XDH: variants seen among roughly 807,000 people sequenced by gnomAD.
XDH encodes the protein xanthine dehydrogenase.
XDH carries 138 observed loss-of-function variants against 156.1 expected under a neutral mutation model. The ratio of observed to expected loss-of-function variants is 0.88; its 90% confidence interval spans 0.77 to 1.02. XDH has a LOEUF of 1.02. Ranked by LOEUF, XDH falls within the 50% of genes least tolerant of loss-of-function variation. XDH has a pLI of 0.00. For missense variants in XDH, 1,849 were observed against 1,684.9 expected (o/e 1.10, Z -1.71); for synonymous variants, 669 against 625.7 (o/e 1.07, Z -1.03).
intron 24 of XDH, among the ~76,000 whole-genome samples, chr2:31,352,002 T>C (rs1270152150): frequency 6.6e-6 from 1 of 152,234 alleles, no homozygotes; most frequent in Non-Finnish European, 1.5e-5. Context: ...TGCTGGTTAT[T>C]ATATGGGCTG....
At chr2:31,355,064 G>A (rs1043330840) in intron 24 of XDH, among the ~76,000 whole-genome samples, 11 of 152,114 alleles carry the variant, frequency 7.2e-5, no homozygotes, top group African/African-American at 2.7e-4. Context: ...ACCTATAGGG[G>A]GAGCCTAATT....
rs1250095681 is a variant in XDH, at chr2:31,372,411, G to T, written c.1687-14C>A. 6.2e-7 allele frequency: 1 copy of T among 1,613,784 alleles called. No individual in the cohort carries two copies. Among genetic ancestry groups the T allele is most frequent in the Non-Finnish European group, 8.5e-7 (1 of 1,180,026 alleles). On this transcript the variant is annotated splice_polypyrimidine_tract_variant and intron_variant, in intron 16 of 35. Transcript: ENST00000379416. ...CTTGGGCACCTCCTGGAATGACAGGGTCATCAATCAGGGTGAGCTGCCAAG... is the reference window on the plus strand; with the variant it reads ...CTTGGGCACCTCCTGGAATGACAGGTTCATCAATCAGGGTGAGCTGCCAAG...
Position 31,375,459 on chromosome 2 carries a change from C to T in XDH, c.1523G>A (p.Arg508Gln), listed in dbSNP as rs148603901. ...GAAGAAGCTGAGGGTGAGGGTGCAC[C>T]GGAAGTCCACCATGCCACCAGGGGC... Reference protein sequence around the residue: ...PDAPGGMVDFRCTLTLSFFFK... With the variant: ...PDAPGGMVDFQCTLTLSFFFK... Residue 508 changes from arginine to glutamine, a missense_variant, in exon 15 of 36, where the codon CGG becomes CAG. Physicochemically the swap from Arg to Gln is conservative, Grantham distance 43. Transcript: ENST00000379416. 6.9e-5 allele frequency: 112 copies of T among 1,614,162 alleles called. 1 individual carries two copies. Among genetic ancestry groups the T allele is most frequent in the African/African-American group, 6.0e-4 (45 of 75,044 alleles).
Position 31,386,453 on chromosome 2 carries a change from G to T in XDH, c.754C>A (p.His252Asn), listed in dbSNP as rs1357261010. The T allele has an allele frequency of 3.1e-6, 5 of 1,613,858 alleles. No homozygotes were observed. In the African/African-American group the frequency reaches 6.7e-5, roughly 22 times the overall value. Residue 252 changes from histidine to asparagine, a missense_variant, in exon 9 of 36, where the codon CAC becomes AAC. His to Asn is a moderately conservative substitution (Grantham distance 68). Transcript: ENST00000379416. ...LKELLDLKAQ[H>N]PDAKLVVGNT... is the part of the protein sequence containing the mutation. ...CCCACGACCAGCTTGGCGTCAGGGT[G>T]CTGAGCCTTGAGGTCCAGCAGCTCC...
chr2:31,370,949 G>T (rs547121471), intron 17 of XDH, among the ~76,000 whole-genome samples: 7 of 152,310 alleles, frequency 4.6e-5, no homozygotes, highest in African/African-American at 1.7e-4. Flanking sequence ...CACTTACTCT[G>T]GAGCGCTCTG....
intron 6 of XDH, among the ~76,000 whole-genome samples, chr2:31,395,409 A>T (rs912883933): frequency 6.6e-6 from 1 of 152,166 alleles, no homozygotes; most frequent in Non-Finnish European, 1.5e-5. Flanking sequence ...TAACCTCAGA[A>T]GTTTAGGCTG....
rs570678554 is a variant in XDH at position 31,360,216 on chromosome 2, G to A, written c.2631+3942C>T. On this transcript the variant is annotated intron_variant, in intron 24 of 35. Transcript: ENST00000379416. ...CAATTTATGTTTTAAATCACAAGTC[G>A]GCCGGGCAAGGTGGCTCATGCCTAT... Among the ~76,000 whole-genome samples the A allele has an allele frequency of 3.3e-5, 5 of 152,292 alleles. No individual in the cohort carries two copies. The East Asian group carries it at 7.7e-4, about 24-fold the overall frequency.
At chr2:31,374,575 T>G (rs1686174985) in intron 15 of XDH, among the ~76,000 whole-genome samples, 1 of 152,066 alleles carries the variant, frequency 6.6e-6, no homozygotes, top group African/African-American at 2.4e-5. Context: ...TACTTGGCAG[T>G]GGTTTTCTCT....
In XDH at chr2:31,386,536, C is replaced by T. The variant is rs112466737; in HGVS notation, c.671G>A (p.Arg224Gln). The change falls in exon 9 of 36, where the codon CGG becomes CAG. Residue 224 changes from arginine to glutamine, a missense_variant. Transcript: ENST00000379416. ...PELLRLKDTP[R>Q]KQLRFEGERV... ...CTCCCCTTCAAATCGCAGCTGCTTC[C>T]GAGGAGTGTCTTTCAGCCTCTGGGA... 1.5e-4 allele frequency: 246 copies of T among 1,614,114 alleles called. 1 individual carries two copies. In the African/African-American group the frequency reaches 1.7e-3, roughly 11 times the overall value.
chr2:31,365,344 C>T, intron 23 of XDH, 113 bp downstream of exon 23: 1 of 1,125,940 alleles, frequency 8.9e-7, no homozygotes, highest in Non-Finnish European at 1.4e-6. Flanking sequence ...CTTATTTGAA[C>T]TTCTACAGAT....
intron 34 of XDH, 122 bp from the exon 35 acceptor site, chr2:31,337,939 G>C (rs371164666): frequency 9.7e-7 from 1 of 1,030,000 alleles, no homozygotes; most frequent in African/African-American, 1.6e-5. Context: ...CACCAGGAAA[G>C]CACTGATGGG....
Position 31,350,049 on chromosome 2 carries a change from C to A in XDH, c.2806G>T (p.Gly936Trp). 5 of 1,614,168 alleles carry A rather than the reference C, an allele frequency of 3.1e-6. No homozygotes were observed. In the South Asian group the frequency reaches 5.5e-5, roughly 18 times the overall value. ...CWMSEVAVTC[G>W]MPAEEVRRKN... is the part of the protein sequence containing the mutation. Reference sequence around the variant, plus strand: ...CAGCTTACCTCCTCTGCAGGCATCCCACAGGTCACTGCAACTTCACTCATC... The same window carrying A: ...CAGCTTACCTCCTCTGCAGGCATCCAACAGGTCACTGCAACTTCACTCATC... Residue 936 changes from glycine (G) to tryptophan (W), a missense_variant, in exon 25 of 36, where the codon GGG becomes TGG. Transcript: ENST00000379416.
chr2:31,358,391 A>T (rs1474648875), intron 24 of XDH, among the ~76,000 whole-genome samples: 1 of 152,200 alleles, frequency 6.6e-6, no homozygotes, highest in Non-Finnish European at 1.5e-5. Context: ...TTAGAAGAGG[A>T]ATTCTAACTC....
intron 21 of XDH, 149 bp downstream of exon 21, chr2:31,366,721 G>A: frequency 1.6e-6 from 2 of 1,269,434 alleles, no homozygotes; most frequent in Non-Finnish European, 2.3e-6. Context: ...GCTTGTTGGT[G>A]AAAGAGTCTG....
intron 24 of XDH, among the ~76,000 whole-genome samples, chr2:31,357,867 CA>C (rs1685668215): frequency 6.6e-6 from 1 of 151,892 alleles, no homozygotes; most frequent in Admixed American, 6.6e-5. Flanking sequence ...TAATGAAAAA[CA>C]AAACATTTTT....
At chr2:31,358,110 C>T (rs560849713) in intron 24 of XDH, among the ~76,000 whole-genome samples, 2 of 152,176 alleles carry the variant, frequency 1.3e-5, no homozygotes, top group South Asian at 2.1e-4. Flanking sequence ...ATCTACAGAA[C>T]TCTTCACCCC....
intron 19 of XDH, 36 bp downstream of exon 19, chr2:31,368,505 C>A (rs375275979): frequency 3.2e-4 from 514 of 1,613,200 alleles, no homozygotes; most frequent in Non-Finnish European, 4.1e-4. Flanking sequence ...GGACGGGGAG[C>A]TCACTCCTCT....
chr2:31,380,723 T>C (rs1405586173), intron 12 of XDH, among the ~76,000 whole-genome samples: 1 of 152,220 alleles, frequency 6.6e-6, no homozygotes, highest in Non-Finnish European at 1.5e-5. Flanking sequence ...TGCATCCTCC[T>C]GCTATAATAA....
rs559812030 is a variant in XDH at position 31,370,064 on chromosome 2, T to G, written c.1980+291A>C. 3.5e-4 allele frequency among the ~76,000 whole-genome samples: 53 copies of G among 152,380 alleles called. 1 individual carries two copies. Among genetic ancestry groups the G allele is most frequent in the Admixed American group, 2.2e-3 (34 of 15,308 alleles). On this transcript the variant is annotated intron_variant, in intron 18 of 35. Coordinates refer to ENST00000379416, the MANE Select transcript of XDH (RefSeq NM_000379.4). ...TCTTATTTTATTTTAATTAAAGAGC[T>G]TACTGTTGTCCCTTAAGAACCGAAT... is the stretch of plus-strand genomic sequence containing the variant.
Sources: gnomAD v4.1 joint callset for allele counts (sites outside exome capture counted in the v4.1 genomes callset) on GRCh38, gnomAD v4.1.1 for gene constraint, MANE v1.5 for transcripts, NCBI Gene and HGNC (gene_info 2026-07-23, HGNC 2026-07-21) for gene names.